Variants in CREBBP observed in about 807,000 individuals in gnomAD.
CREBBP encodes CREB binding lysine acetyltransferase.
In CREBBP, 19 loss-of-function variants were observed where a neutral mutation model predicts 265.0. The observed-to-expected ratio is 0.07, with a 90% confidence interval of 0.05 to 0.11. The LOEUF (loss-of-function observed/expected upper bound fraction) is 0.11. Ranked by LOEUF, CREBBP falls within the 10% of genes least tolerant of loss-of-function variation. The probability of loss-of-function intolerance (pLI) is 1.00; values close to 1 mark genes in which losing one functional copy is unlikely to be tolerated. For missense variants in CREBBP, 2,525 were observed against 3,219.0 expected (o/e 0.78, Z 5.22); for synonymous variants, 1,457 against 1,223.7 (o/e 1.19, Z -3.98).
intron 19 of CREBBP, among the ~76,000 whole-genome samples, chr16:3,754,542 T>C (rs896743664): frequency 2.0e-4 from 30 of 152,252 alleles, no homozygotes; most frequent in South Asian, 6.2e-4. Context: ...GTTGCTATAG[T>C]ACCATGGAAC....
At chr16:3,847,773 G>A (rs924483355) in intron 2 of CREBBP, among the ~76,000 whole-genome samples, 1 of 152,148 alleles carries the variant, frequency 6.6e-6, no homozygotes, top group Admixed American at 6.6e-5. Context: ...ACCAAAACAT[G>A]TTTCTTCAGT....
intron 5 of CREBBP, 114 bp downstream of exon 5, chr16:3,791,867 A>C: frequency 1.1e-6 from 1 of 917,400 alleles, no homozygotes; most frequent in Non-Finnish European, 1.8e-6. Flanking sequence ...GCCCTACCTC[A>C]CCCTGCACTC....
chr16:3,736,707 C>T lies in CREBBP; in HGVS notation c.4503G>A (p.Glu1501=), dbSNP rs200425104. Residue 1501 remains glutamate (E), a synonymous_variant, in exon 27 of 31, where the codon GAG becomes GAA. Transcript: ENST00000262367. ...QKIPKPKRLQ[E]WYKKMLDKAF... The stretch of plus-strand genomic sequence containing the variant: ...CCTTGTCCAGCATCTTTTTGTACCA[C>T]TCCTGCAGTCGTTTTGGCTTGGGTA... 1 of 1,614,190 alleles carries T rather than the reference C, an allele frequency of 6.2e-7. No individual in the cohort carries two copies. Among genetic ancestry groups the T allele is most frequent in the African/African-American group, 1.3e-5 (1 of 75,050 alleles).
intron 3 of CREBBP, among the ~76,000 whole-genome samples, chr16:3,797,977 A>T (rs762878815): frequency 3.3e-5 from 5 of 152,204 alleles, no homozygotes; most frequent in Non-Finnish European, 7.3e-5. Context: ...CTATCCCACT[A>T]AAAAATTGGG....
Position 3,876,692 on chromosome 16 carries a change from C to G in CREBBP, c.85+3140G>C, listed in dbSNP as rs138970269. ...ATACAAGAAAATGCTACTTTAACAT[C>G]TGAGGCCATCAAATTCTGTGCCTCT... is the stretch of plus-strand genomic sequence containing the variant. On this transcript the variant is annotated intron_variant, in intron 1 of 30. Transcript: ENST00000262367. 2.6e-5 allele frequency among the ~76,000 whole-genome samples: 4 copies of G among 152,296 alleles called. No homozygotes were observed. The East Asian group carries it at 7.7e-4, about 29-fold the overall frequency.
rs914494432 is a variant in CREBBP at position 3,758,887 on chromosome 16, C to T, written c.3336G>A (p.Arg1112=). ...YRQDPESLPF[R]QPVDPQLLGI... ...CGAGGAGCTGGGGATCTACAGGCTG[C>T]CGGAAAGGTAATGACTCTGGGTCCT... Residue 1112 remains arginine (R), a synonymous_variant, in exon 17 of 31, where the codon CGG becomes CGA. Coordinates refer to ENST00000262367, the MANE Select transcript of CREBBP (RefSeq NM_004380.3). 5 of 1,612,520 alleles carry T rather than the reference C, an allele frequency of 3.1e-6. No homozygotes were observed. The African/African-American group carries it at 5.3e-5, about 17-fold the overall frequency.
chr16:3,745,944 C>G (rs776254395), intron 21 of CREBBP, among the ~76,000 whole-genome samples: 1 of 152,194 alleles, frequency 6.6e-6, no homozygotes, highest in Non-Finnish European at 1.5e-5. Flanking sequence ...ACTGGTGAAG[C>G]GAGAGAATGG....
chr16:3,879,705 C>T (rs1161779829), intron 1 of CREBBP, 127 bp downstream of exon 1: 24 of 1,013,900 alleles, frequency 2.4e-5, no homozygotes, highest in Non-Finnish European at 3.6e-5. Flanking sequence ...GCGAGGGGAA[C>T]GGGCTGCGGG....
At chr16:3,879,787 T>A in intron 1 of CREBBP, 45 bp downstream of exon 1, 1 of 1,539,502 alleles carries the variant, frequency 6.5e-7, no homozygotes, top group South Asian at 1.2e-5. Flanking sequence ...CAGGTGGGGG[T>A]GACAGCGCGC....
chr16:3,852,115 G>A (rs1404946702), intron 1 of CREBBP, among the ~76,000 whole-genome samples: 1 of 118,664 alleles, frequency 8.4e-6, no homozygotes, highest in Admixed American at 9.4e-5. Context: ...CATTGACTTA[G>A]ATGAACAGCA....
rs184464202 is a variant in CREBBP at position 3,877,201 on chromosome 16, C to T, written c.85+2631G>A. ...AGGCCCAATTTTCCCCTGGGAGCCTCAGAGACACATCCCGTCACTAAAATA... is the reference window on the plus strand; with the variant it reads ...AGGCCCAATTTTCCCCTGGGAGCCTTAGAGACACATCCCGTCACTAAAATA... On this transcript the variant is annotated intron_variant, in intron 1 of 30. Transcript: ENST00000262367. 2.6e-4 allele frequency among the ~76,000 whole-genome samples: 39 copies of T among 152,308 alleles called. 1 individual carries two copies. The highest frequency in any genetic ancestry group is 7.8e-4 in the Admixed American group (12 of 15,298).
chr16:3,830,917 C>T (rs1187143751), intron 2 of CREBBP, among the ~76,000 whole-genome samples: 3 of 152,066 alleles, frequency 2.0e-5, no homozygotes, highest in South Asian at 2.1e-4. Context: ...CAAGCAGCTG[C>T]AACTACAGAA....
In CREBBP at chr16:3,731,759, C is replaced by T. The variant is rs1448667246; in HGVS notation, c.4890+17G>A. 5 of 1,614,188 alleles carry T rather than the reference C, an allele frequency of 3.1e-6. No individual in the cohort carries two copies. The Admixed American group carries it at 6.7e-5, about 22-fold the overall frequency. ...CCCGGCCAGAGGCACGGCTGCAGCA[C>T]CGCAGCCCACGCCTACCTCCTTGTG... is the stretch of plus-strand genomic sequence containing the variant. On this transcript the variant is annotated intron_variant, in intron 29 of 30. Transcript: ENST00000262367. The surrounding 1 kb of genome is among the most constrained non-coding windows in gnomAD (Gnocchi z 7.7).
chr16:3,856,188 C>G (rs1340557030), intron 1 of CREBBP, among the ~76,000 whole-genome samples: 2 of 152,206 alleles, frequency 1.3e-5, no homozygotes, highest in African/African-American at 4.8e-5. Context: ...TGCAATGGCA[C>G]AATCACAGCT....
intron 1 of CREBBP, among the ~76,000 whole-genome samples, chr16:3,876,622 T>C (rs1277313446): frequency 1.3e-5 from 2 of 152,060 alleles, no homozygotes; most frequent in African/African-American, 4.8e-5. Flanking sequence ...GGGTGCCAAG[T>C]AAAGGAAGAC....
rs371471977 is a variant in CREBBP, at chr16:3,731,173, G to C, written c.5172+19C>G. 1.6e-4 allele frequency: 253 copies of C among 1,605,114 alleles called. No homozygotes were observed. Among genetic ancestry groups the C allele is most frequent in the South Asian group, 4.1e-4 (37 of 90,892 alleles). On this transcript the variant is annotated intron_variant, in intron 30 of 30. Coordinates refer to ENST00000262367, the MANE Select transcript of CREBBP (RefSeq NM_004380.3). The surrounding 1 kb of genome is among the most constrained non-coding windows in gnomAD (Gnocchi z 7.7). ...GACCCCAGGCCGGCTGTGGGGGTGGGGGTGGGGGCAGGGCCTACCTCGCAC... is the reference window on the plus strand; with the variant it reads ...GACCCCAGGCCGGCTGTGGGGGTGGCGGTGGGGGCAGGGCCTACCTCGCAC...
At chr16:3,750,812 T>C (rs1179186795) in intron 20 of CREBBP, among the ~76,000 whole-genome samples, 1 of 152,218 alleles carries the variant, frequency 6.6e-6, no homozygotes, top group African/African-American at 2.4e-5. Context: ...TGGATTAGAC[T>C]TCAGTAACTG....
intron 3 of CREBBP, among the ~76,000 whole-genome samples, chr16:3,803,672 A>C (rs2053771452): frequency 6.6e-6 from 1 of 152,160 alleles, no homozygotes; most frequent in Non-Finnish European, 1.5e-5. Flanking sequence ...AATGTGGCCA[A>C]GGGCGAGGGA....
chr16:3,745,242 C>T (rs778170727), intron 22 of CREBBP, 35 bp downstream of exon 22: 1 of 1,594,170 alleles, frequency 6.3e-7, no homozygotes, highest in South Asian at 1.1e-5. Flanking sequence ...TGGCTCTGTG[C>T]AGAACTGCCC....
Sources: allele counts gnomAD v4.1 joint callset (sites outside exome capture counted in the v4.1 genomes callset), GRCh38; gene constraint gnomAD v4.1.1; non-coding constraint Gnocchi (gnomAD v3.1); transcripts MANE v1.5; gene names NCBI Gene and HGNC (gene_info 2026-07-23, HGNC 2026-07-21).